DAPP1: variants seen among roughly 807,000 people sequenced by gnomAD.
DAPP1 encodes the protein dual adaptor of phosphotyrosine and 3-phosphoinositides 1, also known as dual adapter for phosphotyrosine and 3-phosphotyrosine and 3-phosphoinositide.
DAPP1 carries 20 observed loss-of-function variants against 41.5 expected under a neutral mutation model. The observed-to-expected ratio is 0.48, with a 90% CI of 0.34 to 0.70. The LOEUF (loss-of-function observed/expected upper bound fraction) is 0.70. Among genes scored for constraint, DAPP1 ranks in the 30% least tolerant of loss-of-function variants. The pLI is 0.01. For synonymous variants in DAPP1, 113 were observed against 116.2 expected (o/e 0.97, Z 0.18); for missense variants, 233 against 333.4 (o/e 0.70, Z 2.35).
chr4:99,830,931 CT>C (rs1004855107), intron 1 of DAPP1, among the ~76,000 whole-genome samples: 1 of 152,052 alleles, frequency 6.6e-6, no homozygotes, highest in African/African-American at 2.4e-5. Context: ...TAGCTATTTT[CT>C]TTTTTTCTAA....
At chr4:99,847,762 G>A (rs1278599893) in intron 3 of DAPP1, among the ~76,000 whole-genome samples, 2 of 152,064 alleles carry the variant, frequency 1.3e-5, no homozygotes, top group African/African-American at 2.4e-5. Flanking sequence ...GACCTTGGAG[G>A]CAAAGTATTA....
At chr4:99,835,210 T>C (rs910423575) in intron 1 of DAPP1, among the ~76,000 whole-genome samples, 8 of 152,082 alleles carry the variant, frequency 5.3e-5, no homozygotes, top group Admixed American at 5.2e-4. Flanking sequence ...GGTGTCACCA[T>C]GTTGGCCGGG....
At chr4:99,818,378 C>T (rs1415589544) in intron 1 of DAPP1, among the ~76,000 whole-genome samples, 4 of 152,178 alleles carry the variant, frequency 2.6e-5, no homozygotes, top group Admixed American at 6.5e-5. Context: ...AGTTACAATG[C>T]TTTACATGTT....
At chr4:99,861,072 G>T (rs1194596546) in intron 4 of DAPP1, among the ~76,000 whole-genome samples, 1 of 152,118 alleles carries the variant, frequency 6.6e-6, no homozygotes, top group Non-Finnish European at 1.5e-5. Flanking sequence ...GTGTGGGGGT[G>T]GGGAGGAGGA....
intron 3 of DAPP1, among the ~76,000 whole-genome samples, chr4:99,847,051 G>C (rs536417062): frequency 6.6e-6 from 1 of 152,136 alleles, no homozygotes; most frequent in African/African-American, 2.4e-5. Flanking sequence ...AATGAAACAC[G>C]GATGGACATG....
At chr4:99,849,873 G>A (rs1036294249) in intron 3 of DAPP1, among the ~76,000 whole-genome samples, 1 of 152,148 alleles carries the variant, frequency 6.6e-6, no homozygotes, top group African/African-American at 2.4e-5. Flanking sequence ...GCAGGAGAAG[G>A]ATCTGACTGG....
chr4:99,865,925 A>ATATATAATATATTATATTATATATT (rs1265001968), intron 7 of DAPP1, 109 bp from the exon 8 acceptor site: 2 of 85,472 alleles, frequency 2.3e-5, no homozygotes, highest in African/African-American at 9.2e-5. Context: ...ATATATATAT[A>ATATATAATATATTATATTATATATT]ATATATATAA....
chr4:99,821,115 C>G (rs1040561264), intron 1 of DAPP1, among the ~76,000 whole-genome samples: 1 of 152,206 alleles, frequency 6.6e-6, no homozygotes, highest in Non-Finnish European at 1.5e-5. Flanking sequence ...AGGTTGCCTA[C>G]AGTCTCTGAG....
At chr4:99,870,486 G>A (rs1724606897), downstream of DAPP1, among the ~76,000 whole-genome samples, 1 of 152,244 alleles carries the variant, frequency 6.6e-6, no homozygotes, top group African/African-American at 2.4e-5. Context: ...GACATGAAAA[G>A]GGTGAGCTAA....
chr4:99,842,755 T>C (rs1723536246), intron 3 of DAPP1, among the ~76,000 whole-genome samples: 1 of 152,254 alleles, frequency 6.6e-6, no homozygotes, highest in African/African-American at 2.4e-5. Context: ...TTCTTGTTCA[T>C]TTAAGCATGG....
chr4:99,870,064 T>C lies in DAPP1; in HGVS notation c.*1879T>C, dbSNP rs906450645. ...GGGTGGGTAATATTGTGTTTTACTA[T>C]GTTTACCTTTTATAAAACATAACCT... On this transcript the variant is annotated 3_prime_UTR_variant, in exon 9 of 9. Transcript: ENST00000512369. 2 of 152,232 alleles carry C rather than the reference T, an allele frequency of 1.3e-5. No individual in the cohort carries two copies. Among genetic ancestry groups the C allele is most frequent in the African/African-American group, 2.4e-5 (1 of 41,464 alleles). The allele number at this position is 152,232 out of a possible 1,614,324, so 9.4% of individuals were successfully genotyped here.
At chr4:99,840,503 G>GACAACAA in intron 3 of DAPP1, 81 bp downstream of exon 3, 1 of 1,399,812 alleles carries the variant, frequency 7.1e-7, no homozygotes, top group Non-Finnish European at 9.7e-7. Context: ...ATTTAAGAAT[G>GACAACAA]TCATTGTTGT....
Position 99,838,868 on chromosome 4 carries a change from A to T in DAPP1, c.225-1421A>T, listed in dbSNP as rs564520604. Among the ~76,000 whole-genome samples, 20 of 152,336 alleles carry T rather than the reference A, an allele frequency of 1.3e-4. No individual in the cohort carries two copies. The South Asian group carries it at 4.1e-3, about 32-fold the overall frequency. The stretch of plus-strand genomic sequence containing the variant: ...CAAATAACATAAAAGAAAGCAAGAT[A>T]AGTGTTTAGGTGGTTCAGAAGGGAA... On this transcript the variant is annotated intron_variant, in intron 2 of 8. Coordinates refer to ENST00000512369, the MANE Select transcript of DAPP1 (RefSeq NM_014395.3).
At chr4:99,839,559 CG>C (rs1002151428) in intron 2 of DAPP1, among the ~76,000 whole-genome samples, 7 of 152,000 alleles carry the variant, frequency 4.6e-5, no homozygotes, top group Admixed American at 1.3e-4. Flanking sequence ...ACTAATCAAG[CG>C]ACAGAGCTGA....
chr4:99,859,548 T>C lies in DAPP1; in HGVS notation c.490-2030T>C, dbSNP rs151172456. Among the ~76,000 whole-genome samples, 585 of 152,298 alleles carry C rather than the reference T, an allele frequency of 3.8e-3. 7 individuals are homozygous for C. The highest frequency in any genetic ancestry group is 0.014 in the African/African-American group (568 of 41,560). ...CAACAATGCTTCCAATACCACAAAG[T>C]TCATTCTAGTGTTTTCCCTTCTCCC... On this transcript the variant is annotated intron_variant, in intron 4 of 8. Transcript: ENST00000512369.
intron 4 of DAPP1, among the ~76,000 whole-genome samples, chr4:99,861,326 A>G (rs1397071196): frequency 6.6e-6 from 1 of 152,216 alleles, no homozygotes; most frequent in East Asian, 1.9e-4. Context: ...GACTTTTATA[A>G]GTGAAATGAT....
At chr4:99,846,693 A>G (rs976042552) in intron 3 of DAPP1, among the ~76,000 whole-genome samples, 5 of 152,220 alleles carry the variant, frequency 3.3e-5, no homozygotes, top group African/African-American at 9.7e-5. Flanking sequence ...ATCTAGTTCC[A>G]TAGTGGACTC....
At chr4:99,820,694 G>A (rs1055085238) in intron 1 of DAPP1, among the ~76,000 whole-genome samples, 8 of 152,092 alleles carry the variant, frequency 5.3e-5, no homozygotes, top group African/African-American at 1.2e-4. Context: ...ATAAAGGGCC[G>A]GGTAACGAAT....
At chr4:99,866,213 C>T in intron 8 of DAPP1, 92 bp downstream of exon 8, 1 of 730,558 alleles carries the variant, frequency 1.4e-6, no homozygotes, top group South Asian at 1.6e-5. Context: ...CAGACTAGAC[C>T]CAAGAATCAA....
Sources: allele counts gnomAD v4.1 joint callset (sites outside exome capture counted in the v4.1 genomes callset), GRCh38; gene constraint gnomAD v4.1.1; transcripts MANE v1.5; gene names NCBI Gene and HGNC (gene_info 2026-07-23, HGNC 2026-07-21).